The following GLT8D2 variants were observed in gnomAD, a reference collection of about 807,000 sequenced individuals.
The protein encoded by GLT8D2 is glycosyltransferase 8 domain containing 2, also known as glycosyltransferase 8 domain-containing protein 2.
Under a neutral mutation model 44.5 loss-of-function variants are expected in GLT8D2, and 45 were observed. The ratio of observed to expected loss-of-function variants is 1.01; its 90% CI spans 0.80 to 1.30. GLT8D2 has a LOEUF of 1.30. GLT8D2 is among the 50% of genes most tolerant of loss of function. GLT8D2 has a pLI of 0.00. For missense variants in GLT8D2, 400 were observed against 430.4 expected, an observed-to-expected ratio of 0.93 and a Z score of 0.62; for synonymous variants, 156 against 157.2, an observed-to-expected ratio of 0.99 and a Z score of 0.06.
At chr12:104,063,338 C>T (rs1882848295) in intron 1 of GLT8D2, among the ~76,000 whole-genome samples, 2 of 152,106 alleles carry the variant, frequency 1.3e-5, no homozygotes, top group South Asian at 4.1e-4. Flanking sequence ...TCCTAATGGA[C>T]TTGTGTGATT....
chr12:104,026,277 T>G (rs1404037827), intron 1 of GLT8D2, among the ~76,000 whole-genome samples: 1 of 112,638 alleles, frequency 8.9e-6, no homozygotes, highest in East Asian at 3.9e-4. Flanking sequence ...AGACTCTGTC[T>G]CAAAAAAAAA....
Position 104,047,334 on chromosome 12 carries a change from C to T in GLT8D2, c.-164+2561G>A, listed in dbSNP as rs568074730. 4.3e-3 allele frequency among the ~76,000 whole-genome samples: 557 copies of T among 128,838 alleles called. 1 individual carries two copies. Among genetic ancestry groups the T allele is most frequent in the Middle Eastern group, 0.01 (2 of 198 alleles). 84.5% of individuals were successfully genotyped at this position (128,838 alleles called of 152,430 possible). A position where few individuals can be genotyped will look rare whatever the true frequency, so the allele number is the denominator to read the frequency against. The stretch of plus-strand genomic sequence containing the variant: ...TTTTTTTTTTTTTGAGATGGAGTTT[C>T]GCTCTCGTTGCCCAGGCTGGAGTGC... On this transcript the variant is annotated intron_variant, in intron 1 of 10. Transcript: ENST00000360814.
Position 103,989,529 on chromosome 12 carries a change from T to G in GLT8D2, c.929A>C (p.Lys310Thr). 1 of 1,613,608 alleles carries G rather than the reference T, an allele frequency of 6.2e-7. No homozygotes were observed. The highest frequency in any genetic ancestry group is 8.5e-7 in the Non-Finnish European group (1 of 1,179,732). Residue 310 changes from lysine (K) to threonine (T), a missense_variant, in exon 11 of 11, where the codon AAA becomes ACA. Physicochemically the swap from Lys to Thr is moderately conservative, Grantham distance 78. Coordinates refer to ENST00000360814, the MANE Select transcript of GLT8D2 (RefSeq NM_001384711.1). Reference protein sequence around the residue: ...RYSEHFLQEAKLLHWNGRHKP... With the variant: ...RYSEHFLQEATLLHWNGRHKP... ...ATGTCTTCCATTCCAGTGGAGTAAT[T>G]TAGCTTCCTGCAGAAAATGCTCCGA...
At chr12:104,018,680 C>T (rs1207008433) in intron 3 of GLT8D2, among the ~76,000 whole-genome samples, 1 of 152,142 alleles carries the variant, frequency 6.6e-6, no homozygotes, top group Non-Finnish European at 1.5e-5. Context: ...TCAAGACTAG[C>T]CTGGCTAACA....
intron 9 of GLT8D2, 70 bp from the exon 10 acceptor site, chr12:103,993,574 T>TA: frequency 1.1e-6 from 1 of 938,818 alleles, no homozygotes; most frequent in Non-Finnish European, 1.6e-6. Context: ...TCGAATCTGA[T>TA]ATTGTAAATG....
At chr12:104,024,965 G>A (rs1401520926) in intron 1 of GLT8D2, among the ~76,000 whole-genome samples, 2 of 151,414 alleles carry the variant, frequency 1.3e-5, no homozygotes, top group East Asian at 2.0e-4. Flanking sequence ...AGCTACTCGG[G>A]AGGCTGAGGC....
At chr12:104,016,827 AAAGAAAG>A (rs1472867645) in intron 3 of GLT8D2, among the ~76,000 whole-genome samples, 2 of 7,194 alleles carry the variant, frequency 2.8e-4, no homozygotes, top group African/African-American at 6.6e-4. Flanking sequence ...AAGAGAAAGA[AAAGAAAG>A]AAAGAAAGAA....
intron 4 of GLT8D2, among the ~76,000 whole-genome samples, chr12:104,005,034 A>C (rs1337627469): frequency 6.6e-6 from 1 of 152,176 alleles, no homozygotes; most frequent in Non-Finnish European, 1.5e-5. Flanking sequence ...CAAAACAGAG[A>C]TATAGACCAA....
intron 5 of GLT8D2, among the ~76,000 whole-genome samples, chr12:104,002,224 G>A (rs1874313649): frequency 6.6e-6 from 1 of 152,162 alleles, no homozygotes; most frequent in South Asian, 2.1e-4. Flanking sequence ...TTCCCAAAGT[G>A]TTGGAAATAT....
chr12:104,009,317 C>T (rs868357887), intron 4 of GLT8D2, among the ~76,000 whole-genome samples: 1 of 152,236 alleles, frequency 6.6e-6, no homozygotes, highest in Non-Finnish European at 1.5e-5. Context: ...CAAAGGAGAT[C>T]ATTTTGGAGC....
intron 1 of GLT8D2, chr12:104,030,658 C>T (rs963305284): frequency 1.6e-5 from 23 of 1,453,744 alleles, no homozygotes; most frequent in Middle Eastern, 2.5e-4. Context: ...AGTTAATATC[C>T]AAAATATATA....
chr12:104,005,363 A>C (rs545322689), intron 4 of GLT8D2, among the ~76,000 whole-genome samples: 4 of 152,238 alleles, frequency 2.6e-5, no homozygotes, highest in African/African-American at 7.2e-5. Flanking sequence ...AATGGCAACA[A>C]AAGCCAAAAT....
At chr12:104,048,238 G>A (rs144430961) in intron 1 of GLT8D2, among the ~76,000 whole-genome samples, 127 of 152,326 alleles carry the variant, frequency 8.3e-4, no homozygotes, top group African/African-American at 2.8e-3. Context: ...ATAGCACACC[G>A]CAGAGTGTGC....
At chr12:104,040,006 GAAGCTGGAA>G (rs1376359008) in intron 1 of GLT8D2, among the ~76,000 whole-genome samples, 2 of 152,196 alleles carry the variant, frequency 1.3e-5, no homozygotes, top group Non-Finnish European at 2.9e-5. Flanking sequence ...GGACATGGAT[GAAGCTGGAA>G]ATCATCATTC....
At chr12:104,021,945 GAAGAAGAAGA>G (rs1877829142) in intron 1 of GLT8D2, among the ~76,000 whole-genome samples, 1 of 24,104 alleles carries the variant, frequency 4.1e-5, no homozygotes, top group Non-Finnish European at 8.1e-5. Flanking sequence ...AGAAGAAGAA[GAAGAAGAAGA>G]GGAAGAAGAG....
chr12:103,991,234 T>C (rs562942282), intron 10 of GLT8D2, among the ~76,000 whole-genome samples: 1 of 152,342 alleles, frequency 6.6e-6, no homozygotes, highest in Admixed American at 6.5e-5. Flanking sequence ...TCACCCAGAC[T>C]GGAGTGCAGT....
intron 1 of GLT8D2, chr12:104,030,754 G>C: frequency 1.2e-6 from 2 of 1,612,130 alleles, no homozygotes; most frequent in Non-Finnish European, 1.7e-6. Flanking sequence ...AATCCCAGTC[G>C]GTGCCGCATC....
At chr12:103,990,867 G>T (rs1872668605) in intron 10 of GLT8D2, among the ~76,000 whole-genome samples, 1 of 152,180 alleles carries the variant, frequency 6.6e-6, no homozygotes, top group African/African-American at 2.4e-5. Flanking sequence ...CGTAACTGAA[G>T]GGCTATGCAG....
chr12:104,063,096 T>C (rs538620666), intron 1 of GLT8D2, among the ~76,000 whole-genome samples: 7 of 152,230 alleles, frequency 4.6e-5, no homozygotes, highest in Admixed American at 4.6e-4. Context: ...GCCAAGTCCA[T>C]ACCACCCACT....
Sources: allele counts gnomAD v4.1 joint callset (sites outside exome capture counted in the v4.1 genomes callset), GRCh38; gene constraint gnomAD v4.1.1; transcripts MANE v1.5; gene names NCBI Gene and HGNC (gene_info 2026-07-23, HGNC 2026-07-21).